Variants in EYS observed in about 807,000 individuals in gnomAD.
EYS encodes EGF-like photoreceptor maintenance factor.
EYS carries 250 observed loss-of-function variants against 282.1 expected under a neutral mutation model. The ratio of observed to expected loss-of-function variants is 0.89; its 90% CI spans 0.80 to 0.98. EYS has a LOEUF of 0.98. EYS is among the 50% of genes least tolerant of loss of function. The pLI, the probability that EYS is intolerant of heterozygous loss-of-function variation, is 0.00. For missense variants in EYS, 4,016 were observed against 3,709.0 expected (o/e 1.08, Z -2.15); for synonymous variants, 1,355 against 1,282.9 (o/e 1.06, Z -1.20).
At chr6:65,070,626 C>A (rs1331907668) in intron 12 of EYS, among the ~76,000 whole-genome samples, 1 of 151,770 alleles carries the variant, frequency 6.6e-6, no homozygotes, top group Non-Finnish European at 1.5e-5. Flanking sequence ...TGGCCAATTC[C>A]TGTTACTAAC....
At chr6:63,860,690 G>A (rs1475809527) in intron 36 of EYS, among the ~76,000 whole-genome samples, 2 of 152,106 alleles carry the variant, frequency 1.3e-5, no homozygotes, top group Non-Finnish European at 2.9e-5. Context: ...CTAAGTAAAC[G>A]ACCTGAATGC....
chr6:65,282,348 T>C (rs1041381100), intron 12 of EYS, among the ~76,000 whole-genome samples: 25 of 151,940 alleles, frequency 1.6e-4, no homozygotes, highest in African/African-American at 5.1e-4. Context: ...CATACATTTA[T>C]AAAAAGTACC....
chr6:64,812,240 TACACACACACAC>T (rs71739816), intron 22 of EYS, among the ~76,000 whole-genome samples: 1 of 147,958 alleles, frequency 6.8e-6, no homozygotes, highest in Admixed American at 6.8e-5. Flanking sequence ...GGATTTAAAA[TACACACACACAC>T]ACACACACAC....
At position 64,966,075 on chromosome 6, in the gene EYS, G is replaced by T. The variant is rs376722616; in HGVS notation, c.2260-20161C>A. Among the ~76,000 whole-genome samples, 5 of 151,858 alleles carry T rather than the reference G, an allele frequency of 3.3e-5. No homozygotes were observed. The East Asian group carries it at 9.6e-4, about 29-fold the overall frequency. ...GGGTACAGGGAATTTAATTTAATCTGGTTAACTGAAAGTTACTCCATGCCT... is the reference window on the plus strand; with the variant it reads ...GGGTACAGGGAATTTAATTTAATCTTGTTAACTGAAAGTTACTCCATGCCT... On this transcript the variant is annotated intron_variant, in intron 14 of 42. Transcript: ENST00000503581.
chr6:65,296,809 T>C (rs1464110991), intron 11 of EYS, among the ~76,000 whole-genome samples: 1 of 151,854 alleles, frequency 6.6e-6, no homozygotes, highest in Admixed American at 6.6e-5. Flanking sequence ...GTTTTTTACA[T>C]AGTTTTCTTG....
At chr6:64,160,387 A>C (rs1339341025) in intron 31 of EYS, among the ~76,000 whole-genome samples, 1 of 152,138 alleles carries the variant, frequency 6.6e-6, no homozygotes, top group East Asian at 1.9e-4. Flanking sequence ...TTTTCTTAAG[A>C]AATTATATCG....
chr6:65,007,986 T>C (rs1264707816), intron 13 of EYS, among the ~76,000 whole-genome samples: 1 of 152,132 alleles, frequency 6.6e-6, no homozygotes, highest in East Asian at 1.9e-4. Flanking sequence ...AGTTTGGTGA[T>C]CTCTGGTATA....
rs758264239 is a variant in EYS, at chr6:65,287,943, A to C, written c.2023+7920T>G. The stretch of plus-strand genomic sequence containing the variant: ...TTAGATTAGCCTTCGGTACACTCAA[A>C]GTCCAGGGATCAAAGTAGGCAAAAA... On this transcript the variant is annotated intron_variant, in intron 12 of 42. Coordinates refer to ENST00000503581, the MANE Select transcript of EYS (RefSeq NM_001142800.2). 4.6e-4 allele frequency among the ~76,000 whole-genome samples: 69 copies of C among 151,194 alleles called. 1 individual carries two copies. Among genetic ancestry groups the C allele is most frequent in the Non-Finnish European group, 8.5e-4 (57 of 67,354 alleles).
intron 31 of EYS, among the ~76,000 whole-genome samples, chr6:64,119,781 C>G (rs990067138): frequency 6.6e-6 from 1 of 152,178 alleles, no homozygotes; most frequent in Non-Finnish European, 1.5e-5. Context: ...AAGGCACAGA[C>G]GCAAATCACA....
intron 28 of EYS, among the ~76,000 whole-genome samples, chr6:64,415,027 G>T (rs1346743574): frequency 1.3e-5 from 2 of 152,164 alleles, no homozygotes; most frequent in East Asian, 3.9e-4. Context: ...AATTACAGAT[G>T]ACTTTGATAT....
intron 26 of EYS, among the ~76,000 whole-genome samples, chr6:64,459,079 T>C (rs1775659070): frequency 6.6e-6 from 1 of 152,214 alleles, no homozygotes; most frequent in Admixed American, 6.5e-5. Flanking sequence ...AGTTCCAAAA[T>C]GTATCGTAAG....
intron 29 of EYS, among the ~76,000 whole-genome samples, chr6:64,318,040 C>G (rs1770046974): frequency 6.6e-6 from 1 of 151,742 alleles, no homozygotes. Context: ...GGGTGGGGGC[C>G]TCGGGGAGGA....
intron 2 of EYS, among the ~76,000 whole-genome samples, chr6:65,546,185 GTTT>G (rs5876969): frequency 4.7e-5 from 6 of 126,840 alleles, no homozygotes; most frequent in Non-Finnish European, 4.9e-5. Context: ...CATCTGTCTA[GTTT>G]TTTTTTTTTT....
chr6:64,023,136 C>T (rs538556751), intron 33 of EYS, among the ~76,000 whole-genome samples: 1 of 152,310 alleles, frequency 6.6e-6, no homozygotes, highest in East Asian at 1.9e-4. Flanking sequence ...TGGATTATTG[C>T]ACTTAGCATA....
chr6:64,189,810 T>C (rs1765050866), intron 31 of EYS, among the ~76,000 whole-genome samples: 1 of 152,166 alleles, frequency 6.6e-6, no homozygotes, highest in Admixed American at 6.5e-5. Flanking sequence ...GGGTCAATTC[T>C]TTATACACTA....
chr6:64,399,249 T>A (rs1353304074), intron 28 of EYS, among the ~76,000 whole-genome samples: 1 of 151,668 alleles, frequency 6.6e-6, no homozygotes, highest in Non-Finnish European at 1.5e-5. Flanking sequence ...TTCCTTACTA[T>A]ACAAGCAATA....
At chr6:64,902,274 C>T in intron 17 of EYS, 54 bp from the exon 18 acceptor site, 3 of 1,388,348 alleles carry the variant, frequency 2.2e-6, no homozygotes, top group Non-Finnish European at 3.0e-6. Context: ...AAAATCAATG[C>T]TTCAACTAAT....
chr6:64,710,398 A>G (rs1771167220), intron 22 of EYS, among the ~76,000 whole-genome samples: 1 of 152,204 alleles, frequency 6.6e-6, no homozygotes, highest in Non-Finnish European at 1.5e-5. Flanking sequence ...CTTCACCTGC[A>G]TAGGGCACCA....
chr6:64,821,917 A>AT (rs559570187), intron 20 of EYS, among the ~76,000 whole-genome samples, 194 bp from the exon 21 acceptor site: 20 of 152,058 alleles, frequency 1.3e-4, no homozygotes, highest in Admixed American at 2.6e-4. Flanking sequence ...ATCAATTTTC[A>AT]TTTTTGCCAT....
Sources: gnomAD v4.1 joint callset for allele counts (sites outside exome capture counted in the v4.1 genomes callset) on GRCh38, gnomAD v4.1.1 for gene constraint, MANE v1.5 for transcripts, NCBI Gene and HGNC (gene_info 2026-07-23, HGNC 2026-07-21) for gene names.